CSRNP3: variants seen among roughly 807,000 people sequenced by gnomAD.
The protein encoded by CSRNP3 is cysteine and serine rich nuclear protein 3.
In CSRNP3, 12 loss-of-function variants were observed where a neutral mutation model predicts 48.0. The observed-to-expected ratio is 0.25, with a 90% CI of 0.16 to 0.41. The LOEUF is 0.41. CSRNP3 is among the 10% of genes least tolerant of loss of function. The pLI, the probability that CSRNP3 is intolerant of heterozygous loss-of-function variation, is 1.00. For missense variants in CSRNP3, 580 were observed against 724.4 expected (o/e 0.80, Z 2.29); for synonymous variants, 263 against 269.7 (o/e 0.98, Z 0.24).
At position 165,472,779 on chromosome 2, in the gene CSRNP3, C is replaced by A. The variant is rs140746851; in HGVS notation, c.-283+3039C>A. Among the ~76,000 whole-genome samples, 3 of 152,072 alleles carry A rather than the reference C, an allele frequency of 2.0e-5. No homozygotes were observed. In the East Asian group the frequency reaches 5.8e-4, roughly 29 times the overall value. ...TTATTTTCATAATATTAACCTTAGT[C>A]TATTAGATTCAATGTTAGCAATGTA... is the stretch of plus-strand genomic sequence containing the variant. On this transcript the variant is annotated intron_variant, in intron 1 of 6. Transcript: ENST00000651982.
chr2:165,679,661 C>A lies in CSRNP3; in HGVS notation c.1666C>A (p.His556Asn), dbSNP rs1204111328. ...GAATGGTGACAGTCACATTTCAGAG[C>A]ATCCTGCTGAAAATTCTTTGAGCCT... The part of the protein sequence containing the change: ...ALNGDSHISE[H>N]PAENSLSLAE... Residue 556 changes from histidine (H) to asparagine (N), a missense_variant, in exon 7 of 7, where the codon CAT becomes AAT. His to Asn is a moderately conservative substitution (Grantham distance 68, BLOSUM62 1). Coordinates refer to ENST00000651982, the MANE Select transcript of CSRNP3 (RefSeq NM_001172173.2). 6.2e-7 allele frequency: 1 copy of A among 1,614,052 alleles called. No homozygotes were observed. The highest frequency in any genetic ancestry group is 1.3e-5 in the African/African-American group (1 of 74,952).
chr2:165,613,308 C>T (rs1256094039), intron 4 of CSRNP3, among the ~76,000 whole-genome samples: 1 of 152,076 alleles, frequency 6.6e-6, no homozygotes, highest in Non-Finnish European at 1.5e-5. Context: ...CTCATATAGT[C>T]TGGATATTAG....
At chr2:165,527,960 AG>A (rs1326922819) in intron 3 of CSRNP3, among the ~76,000 whole-genome samples, 4 of 151,998 alleles carry the variant, frequency 2.6e-5, no homozygotes, top group African/African-American at 9.7e-5. Context: ...AGAAAGAAAG[AG>A]AAAAAAGAGA....
chr2:165,544,829 G>A (rs1330432906), intron 3 of CSRNP3, among the ~76,000 whole-genome samples: 1 of 152,136 alleles, frequency 6.6e-6, no homozygotes, highest in Non-Finnish European at 1.5e-5. Context: ...TGAAAATGAT[G>A]CCTAAAACCA....
At chr2:165,609,982 T>C (rs1375924559) in intron 4 of CSRNP3, among the ~76,000 whole-genome samples, 6 of 152,202 alleles carry the variant, frequency 3.9e-5, no homozygotes, top group Non-Finnish European at 7.3e-5. Context: ...TAAAATATCA[T>C]GAGTCGAGAA....
chr2:165,648,128 G>T (rs1028454596), intron 4 of CSRNP3, among the ~76,000 whole-genome samples: 6 of 152,072 alleles, frequency 3.9e-5, no homozygotes, highest in Non-Finnish European at 8.8e-5. Flanking sequence ...TAAGTGATTT[G>T]TCGTGTAAGA....
chr2:165,636,485 A>T (rs1359009294), intron 4 of CSRNP3, among the ~76,000 whole-genome samples: 4 of 152,254 alleles, frequency 2.6e-5, no homozygotes, highest in South Asian at 4.1e-4. Context: ...ATATTGATAT[A>T]TTTGTGTTTT....
At position 165,682,323 on chromosome 2, in the gene CSRNP3, T is replaced by G. The variant is rs1279252833; in HGVS notation, c.*2570T>G. ...CACTGCCCTGTGAGAAGAATTACCC[T>G]TCCAATCATGACAGCTTCTATTCCA... On this transcript the variant is annotated 3_prime_UTR_variant, in exon 7 of 7. Transcript: ENST00000651982. 1 of 152,086 alleles carries G rather than the reference T, an allele frequency of 6.6e-6. No homozygotes were observed. Among genetic ancestry groups the G allele is most frequent in the African/African-American group, 2.4e-5 (1 of 41,424 alleles). 9.4% of individuals were successfully genotyped at this position (152,086 alleles called of 1,614,324 possible).
chr2:165,648,429 C>T (rs1398203968), intron 4 of CSRNP3, among the ~76,000 whole-genome samples: 1 of 151,990 alleles, frequency 6.6e-6, no homozygotes, highest in South Asian at 2.1e-4. Flanking sequence ...TCTACATAAG[C>T]AGGAGGATCA....
intron 3 of CSRNP3, among the ~76,000 whole-genome samples, chr2:165,536,410 TA>T (rs1261908650): frequency 6.6e-6 from 1 of 151,920 alleles, no homozygotes; most frequent in Admixed American, 6.6e-5. Context: ...AATGTTTCCA[TA>T]AATTTCAGCT....
At chr2:165,553,028 TG>T (rs1321926681) in intron 3 of CSRNP3, among the ~76,000 whole-genome samples, 1 of 152,188 alleles carries the variant, frequency 6.6e-6, no homozygotes, top group Non-Finnish European at 1.5e-5. Flanking sequence ...TCAACGTTCA[TG>T]TAGATGATTC....
chr2:165,612,372 T>C (rs1021759884), intron 4 of CSRNP3, among the ~76,000 whole-genome samples: 24 of 152,096 alleles, frequency 1.6e-4, no homozygotes, highest in Non-Finnish European at 2.9e-4. Flanking sequence ...ATATCAGTAG[T>C]GTGTCTATAC....
intron 1 of CSRNP3, among the ~76,000 whole-genome samples, chr2:165,483,579 A>T (rs928150557): frequency 6.6e-6 from 1 of 152,210 alleles, no homozygotes; most frequent in South Asian, 2.1e-4. Flanking sequence ...TGATTATTCT[A>T]TGTCTCAATC....
chr2:165,529,241 G>T (rs1440445044), intron 3 of CSRNP3, among the ~76,000 whole-genome samples: 1 of 152,166 alleles, frequency 6.6e-6, no homozygotes, highest in Non-Finnish European at 1.5e-5. Flanking sequence ...ATTTGGGAGG[G>T]GCCAGGGGCG....
chr2:165,525,479 C>T (rs1324857504), intron 3 of CSRNP3, among the ~76,000 whole-genome samples: 40 of 145,656 alleles, frequency 2.7e-4, no homozygotes, highest in South Asian at 2.2e-4. Flanking sequence ...TCTTTTTTTT[C>T]TTCTTCTTCT....
At chr2:165,472,765 A>G (rs2105443080) in intron 1 of CSRNP3, among the ~76,000 whole-genome samples, 1 of 152,180 alleles carries the variant, frequency 6.6e-6, no homozygotes, top group East Asian at 1.9e-4. Flanking sequence ...TATTTTCATA[A>G]TATTAACCTT....
intron 3 of CSRNP3, among the ~76,000 whole-genome samples, chr2:165,528,098 T>G (rs1684764262): frequency 6.6e-6 from 1 of 152,194 alleles, no homozygotes; most frequent in African/African-American, 2.4e-5. Context: ...AAAGTTTTTT[T>G]ATTACATATT....
chr2:165,643,425 T>G (rs1005921213), intron 4 of CSRNP3, among the ~76,000 whole-genome samples: 1 of 152,210 alleles, frequency 6.6e-6, no homozygotes, highest in Non-Finnish European at 1.5e-5. Context: ...TTTGGTGCAG[T>G]ACAAACCCAC....
At chr2:165,674,520 A>G (rs1173068990) in intron 5 of CSRNP3, among the ~76,000 whole-genome samples, 1 of 151,458 alleles carries the variant, frequency 6.6e-6, no homozygotes, top group East Asian at 1.9e-4. Context: ...ATGCCAAGGA[A>G]GGAAATAAAT....
Sources: allele counts gnomAD v4.1 joint callset (sites outside exome capture counted in the v4.1 genomes callset), GRCh38; gene constraint gnomAD v4.1.1; transcripts MANE v1.5; gene names NCBI Gene and HGNC (gene_info 2026-07-23, HGNC 2026-07-21).